PCDHB8: variants seen among roughly 807,000 people sequenced by gnomAD.
PCDHB8 encodes the protein protocadherin beta 8, also known as protocadherin beta-8.
For missense variants in PCDHB8, 836 were observed against 1,004.0 expected, an observed-to-expected ratio of 0.83 and a Z score of 2.26; for synonymous variants, 385 against 448.5, an observed-to-expected ratio of 0.86 and a Z score of 1.79.
chr5:141,180,047 C>A lies in PCDHB8; in HGVS notation c.2013C>A (p.Tyr671Ter), dbSNP rs139550075. Residue 671 changes from tyrosine to a stop codon, truncating the protein, a stop_gained, in exon 1 of 1, where the codon TAC becomes TAA. Coordinates refer to ENST00000239444, the MANE Select transcript of PCDHB8 (RefSeq NM_019120.5). LOFTEE classifies it low-confidence loss of function (END_TRUNC). ...VLLVDGFSQPYLPLPEAAPAQ... is the reference protein window; with the variant it reads ...VLLVDGFSQP Reference sequence around the variant, plus strand: ...TGGTGGACGGCTTCTCCCAGCCCTACCTGCCGCTTCCGGAGGCTGCCCCAG... The same window carrying A: ...TGGTGGACGGCTTCTCCCAGCCCTAACTGCCGCTTCCGGAGGCTGCCCCAG... 6.1e-5 allele frequency: 98 copies of A among 1,609,592 alleles called. 1 individual carries two copies. The highest frequency in any genetic ancestry group is 4.7e-4 in the South Asian group (43 of 90,994).
In PCDHB8 at chr5:141,180,517, A is replaced by G; in HGVS notation, c.*77A>G. ...TTTCTGTCAACTTAGCATAAATTTTAAATTACACTACATTTGCCCATAGTA... is the reference window on the plus strand; with the variant it reads ...TTTCTGTCAACTTAGCATAAATTTTGAATTACACTACATTTGCCCATAGTA... On this transcript the variant is annotated 3_prime_UTR_variant, in exon 1 of 1. Transcript: ENST00000239444. 1.8e-6 allele frequency: 2 copies of G among 1,100,938 alleles called. No individual in the cohort carries two copies. Among genetic ancestry groups the G allele is most frequent in the Admixed American group, 3.1e-5 (1 of 32,476 alleles). The allele number at this position is 1,100,938 out of a possible 1,614,324, so 68.2% of individuals were successfully genotyped here. A position where few individuals can be genotyped will look rare whatever the true frequency, so the allele number is the denominator to read the frequency against.
Position 141,179,917 on chromosome 5 carries a change from C to T in PCDHB8, c.1883C>T (p.Ala628Val). The change falls in exon 1 of 1, where the codon GCC becomes GTC. Residue 628 changes from alanine to valine, a missense_variant. Physicochemically the swap from Ala to Val is moderately conservative, Grantham distance 64. Transcript: ENST00000239444. ...VWAHNGEVRT[A>V]RLLSERDAAK... is the part of the protein sequence containing the mutation. Reference sequence around the variant, plus strand: ...GCGCACAATGGCGAGGTGCGCACCGCCAGGCTGCTGAGCGAGCGCGACGCG... The same window carrying T: ...GCGCACAATGGCGAGGTGCGCACCGTCAGGCTGCTGAGCGAGCGCGACGCG... 1.2e-6 allele frequency: 2 copies of T among 1,609,212 alleles called. No individual in the cohort carries two copies. The highest frequency in any genetic ancestry group is 1.7e-6 in the Non-Finnish European group (2 of 1,179,568).
chr5:141,179,388 T>C lies in PCDHB8; in HGVS notation c.1354T>C (p.Phe452Leu), dbSNP rs1309703321. ...VSDVNDNAPA[F>L]TQTSYTLFVR... ...GGACGTCAATGACAACGCCCCCGCC[T>C]TCACCCAAACCTCCTACACCCTGTT... is the stretch of plus-strand genomic sequence containing the variant. Residue 452 changes from phenylalanine (F) to leucine (L), a missense_variant, in exon 1 of 1, where the codon TTC becomes CTC. Phe to Leu is a conservative substitution (Grantham distance 22, BLOSUM62 0). Coordinates refer to ENST00000239444, the MANE Select transcript of PCDHB8 (RefSeq NM_019120.5). 2 of 1,614,060 alleles carry C rather than the reference T, an allele frequency of 1.2e-6. No individual in the cohort carries two copies. Among genetic ancestry groups the C allele is most frequent in the Non-Finnish European group, 1.7e-6 (2 of 1,180,038 alleles).
rs751690788 is a variant in PCDHB8 at position 141,179,415 on chromosome 5, G to C, written c.1381G>C (p.Val461Leu). Residue 461 changes from valine to leucine, a missense_variant, in exon 1 of 1, where the codon GTC becomes CTC. Coordinates refer to ENST00000239444, the MANE Select transcript of PCDHB8 (RefSeq NM_019120.5). ...CACCCAAACCTCCTACACCCTGTTC[G>C]TCCGCGAGAACAACAGCCCCGCCCT... ...AFTQTSYTLFVRENNSPALHI... is the reference protein window; with the variant it reads ...AFTQTSYTLFLRENNSPALHI... The C allele has an allele frequency of 1.1e-5, 17 of 1,614,154 alleles. No homozygotes were observed. Among genetic ancestry groups the C allele is most frequent in the African/African-American group, 4.0e-5 (3 of 75,038 alleles).
In PCDHB8 at chr5:141,179,995, C is replaced by T. The variant is rs1371175040; in HGVS notation, c.1961C>T (p.Ser654Leu). Residue 654 changes from serine to leucine, a missense_variant, in exon 1 of 1, where the codon TCG becomes TTG. Ser to Leu is a moderately radical substitution (Grantham distance 145). Coordinates refer to ENST00000239444, the MANE Select transcript of PCDHB8 (RefSeq NM_019120.5). ...LVKDNGEPPC[S>L]ATATLHVLLV... Reference sequence around the variant, plus strand: ...AAGGACAATGGCGAGCCTCCGTGCTCGGCCACCGCCACGCTGCACGTGCTC... The same window carrying T: ...AAGGACAATGGCGAGCCTCCGTGCTTGGCCACCGCCACGCTGCACGTGCTC... 3 of 1,608,452 alleles carry T rather than the reference C, an allele frequency of 1.9e-6. No individual in the cohort carries two copies. Among genetic ancestry groups the T allele is most frequent in the African/African-American group, 1.3e-5 (1 of 74,882 alleles).
Position 141,180,412 on chromosome 5 carries a change from G to T in PCDHB8, c.2378G>T (p.Gly793Val). ...EMEQNSNFRN[G>V]FGFSLQLK is the part of the protein sequence containing the mutation. ...GAACAAAACTCTAACTTTAGGAATGGCTTTGGTTTCAGCCTTCAGTTAAAG... is the reference window on the plus strand; with the variant it reads ...GAACAAAACTCTAACTTTAGGAATGTCTTTGGTTTCAGCCTTCAGTTAAAG... The change falls in exon 1 of 1, where the codon GGC (glycine) becomes GTC (valine). Residue 793 changes from glycine to valine, a missense_variant. Coordinates refer to ENST00000239444, the MANE Select transcript of PCDHB8 (RefSeq NM_019120.5). 6.3e-7 allele frequency: 1 copy of T among 1,596,836 alleles called. No homozygotes were observed. Among genetic ancestry groups the T allele is most frequent in the South Asian group, 1.1e-5 (1 of 90,308 alleles).
In PCDHB8 at chr5:141,179,354, G is replaced by A. The variant is rs782262103; in HGVS notation, c.1320G>A (p.Val440=). The A allele has an allele frequency of 1.2e-6, 2 of 1,614,224 alleles. No individual in the cohort carries two copies. Among genetic ancestry groups the A allele is most frequent in the Non-Finnish European group, 1.7e-6 (2 of 1,180,052 alleles). The change falls in exon 1 of 1, where the codon GTG becomes GTA. Residue 440 remains valine (V), a synonymous_variant. Transcript: ENST00000239444. ...TGACAACACATCTCAATATGACCGT[G>A]CTGGTGTCGGACGTCAATGACAACG... The part of the protein sequence containing the change: ...PRLTTHLNMT[V]LVSDVNDNAP...
In PCDHB8 at chr5:141,179,441, G is replaced by A; in HGVS notation, c.1407G>A (p.Leu469=). 2 of 1,614,036 alleles carry A rather than the reference G, an allele frequency of 1.2e-6. No individual in the cohort carries two copies. Among genetic ancestry groups the A allele is most frequent in the Admixed American group, 1.7e-5 (1 of 60,026 alleles). ...LFVRENNSPA[L]HIGSVSATDR... is the part of the protein sequence containing the mutation. The stretch of plus-strand genomic sequence containing the variant: ...TCCGCGAGAACAACAGCCCCGCCCT[G>A]CACATCGGCAGCGTCAGCGCCACAG... The change falls in exon 1 of 1, where the codon CTG becomes CTA. Residue 469 remains leucine (L), a synonymous_variant. Transcript: ENST00000239444.
At position 141,180,017 on chromosome 5, in the gene PCDHB8, G is replaced by A. The variant is rs781892339; in HGVS notation, c.1983G>A (p.Val661=). The A allele has an allele frequency of 5.6e-6, 9 of 1,608,880 alleles. No homozygotes were observed. In the Admixed American group the frequency reaches 1.2e-4, roughly 21 times the overall value. The change falls in exon 1 of 1, where the codon GTG becomes GTA. Residue 661 remains valine, a synonymous_variant. Coordinates refer to ENST00000239444, the MANE Select transcript of PCDHB8 (RefSeq NM_019120.5). The part of the protein sequence containing the change: ...PPCSATATLH[V]LLVDGFSQPY... ...GCTCGGCCACCGCCACGCTGCACGT[G>A]CTCCTGGTGGACGGCTTCTCCCAGC...
chr5:141,180,520 T>G lies in PCDHB8; in HGVS notation c.*80T>G. The G allele has an allele frequency of 9.3e-7, 1 of 1,078,156 alleles. No homozygotes were observed. The highest frequency in any genetic ancestry group is 2.1e-5 in the South Asian group (1 of 48,116). The allele number at this position is 1,078,156 out of a possible 1,614,324, so 66.8% of individuals were successfully genotyped here. A position where few individuals can be genotyped will look rare whatever the true frequency, so the allele number is the denominator to read the frequency against. On this transcript the variant is annotated 3_prime_UTR_variant, in exon 1 of 1. Transcript: ENST00000239444. ...CTGTCAACTTAGCATAAATTTTAAA[T>G]TACACTACATTTGCCCATAGTATTT...
In PCDHB8 at chr5:141,179,906, G is replaced by T. The variant is rs782097283; in HGVS notation, c.1872G>T (p.Glu624Asp). Residue 624 changes from glutamate to aspartate, a missense_variant, in exon 1 of 1, where the codon GAG (glutamate) becomes GAT (aspartate). Glu to Asp is a conservative substitution (Grantham distance 45). Coordinates refer to ENST00000239444, the MANE Select transcript of PCDHB8 (RefSeq NM_019120.5). ...GLFGVWAHNG[E>D]VRTARLLSER... The stretch of plus-strand genomic sequence containing the variant: ...TCGGTGTGTGGGCGCACAATGGCGA[G>T]GTGCGCACCGCCAGGCTGCTGAGCG... 30 of 1,609,352 alleles carry T rather than the reference G, an allele frequency of 1.9e-5. No homozygotes were observed. In the South Asian group the frequency reaches 2.7e-4, roughly 15 times the overall value.
chr5:141,179,734 A>G lies in PCDHB8; in HGVS notation c.1700A>G (p.Gln567Arg), dbSNP rs145707096. The G allele has an allele frequency of 2.1e-4, 331 of 1,611,702 alleles. No individual in the cohort carries two copies. The African/African-American group carries it at 3.5e-3, about 17-fold the overall frequency. ...TCGCCCTTCGTGCTGTACCCGCTGC[A>G]GAATGGCTCCGCGCCCTGCACCGAG... Reference protein sequence around the residue: ...DNSPFVLYPLQNGSAPCTELV... With the variant: ...DNSPFVLYPLRNGSAPCTELV... The change falls in exon 1 of 1, where the codon CAG (glutamine) becomes CGG (arginine). Residue 567 changes from glutamine to arginine, a missense_variant. Gln to Arg is a conservative substitution (Grantham distance 43). Coordinates refer to ENST00000239444, the MANE Select transcript of PCDHB8 (RefSeq NM_019120.5).
Position 141,178,815 on chromosome 5 carries a change from C to G in PCDHB8, c.781C>G (p.Leu261Val), listed in dbSNP as rs782058438. ...CTCTGAGGACAGTCCAATAAGCTTC[C>G]TGGTTGTGAAGGTCTCTGCCACGGA... ...QISEDSPISF[L>V]VVKVSATDVD... The change falls in exon 1 of 1, where the codon CTG (leucine) becomes GTG (valine). Residue 261 changes from leucine (L) to valine (V), a missense_variant. Transcript: ENST00000239444. The G allele has an allele frequency of 5.0e-6, 8 of 1,614,104 alleles. No homozygotes were observed. Among genetic ancestry groups the G allele is most frequent in the Non-Finnish European group, 6.8e-6 (8 of 1,180,018 alleles).
Position 141,177,890 on chromosome 5 carries a change from C to T in PCDHB8, c.-145C>T, listed in dbSNP as rs1306116795. The T allele has an allele frequency of 6.5e-6, 5 of 768,508 alleles. No homozygotes were observed. Among genetic ancestry groups the T allele is most frequent in the African/African-American group, 1.8e-5 (1 of 54,528 alleles). The allele number at this position is 768,508 out of a possible 1,614,324, so 47.6% of individuals were successfully genotyped here. A position where few individuals can be genotyped will look rare whatever the true frequency, so the allele number is the denominator to read the frequency against. On this transcript the variant is annotated 5_prime_UTR_variant, in exon 1 of 1. Transcript: ENST00000239444. Reference sequence around the variant, plus strand: ...TGGAAGTCCACGGGGAGCTTGGATGCCAAAGGGAGGACGGCTGGGTCCTCT... The same window carrying T: ...TGGAAGTCCACGGGGAGCTTGGATGTCAAAGGGAGGACGGCTGGGTCCTCT...
rs1469909387 is a variant in PCDHB8 at position 141,179,954 on chromosome 5, G to T, written c.1920G>T (p.Arg640Ser). 1 of 1,608,540 alleles carries T rather than the reference G, an allele frequency of 6.2e-7. No homozygotes were observed. The highest frequency in any genetic ancestry group is 8.5e-7 in the Non-Finnish European group (1 of 1,179,598). Reference protein sequence around the residue: ...LLSERDAAKQRLVVLVKDNGE... With the variant: ...LLSERDAAKQSLVVLVKDNGE... ...GCGAGCGCGACGCGGCCAAGCAGAGGCTGGTGGTGCTGGTCAAGGACAATG... is the reference window on the plus strand; with the variant it reads ...GCGAGCGCGACGCGGCCAAGCAGAGTCTGGTGGTGCTGGTCAAGGACAATG... The change falls in exon 1 of 1, where the codon AGG (arginine) becomes AGT (serine). Residue 640 changes from arginine (R) to serine (S), a missense_variant. Coordinates refer to ENST00000239444, the MANE Select transcript of PCDHB8 (RefSeq NM_019120.5).
At position 141,180,498 on chromosome 5, in the gene PCDHB8, TC is replaced by T; in HGVS notation, c.*59del. ...ATCAATTCAAAGGAATGGTTTTCTG[TC>T]AACTTAGCATAAATTTTAAATTACA... On this transcript the variant is annotated 3_prime_UTR_variant, in exon 1 of 1. Coordinates refer to ENST00000239444, the MANE Select transcript of PCDHB8 (RefSeq NM_019120.5). The T allele has an allele frequency of 1.6e-6, 2 of 1,270,794 alleles. No individual in the cohort carries two copies. Among genetic ancestry groups the T allele is most frequent in the Non-Finnish European group, 2.1e-6 (2 of 950,466 alleles). 78.7% of individuals were successfully genotyped at this position (1,270,794 alleles called of 1,614,324 possible).
At position 141,178,829 on chromosome 5, in the gene PCDHB8, C is replaced by A; in HGVS notation, c.795C>A (p.Val265=). Residue 265 remains valine (V), a synonymous_variant, in exon 1 of 1, where the codon GTC becomes GTA. Coordinates refer to ENST00000239444, the MANE Select transcript of PCDHB8 (RefSeq NM_019120.5). ...DSPISFLVVK[V]SATDVDTGVN... ...CAATAAGCTTCCTGGTTGTGAAGGT[C>A]TCTGCCACGGATGTAGACACAGGAG... is the stretch of plus-strand genomic sequence containing the variant. 1.2e-6 allele frequency: 2 copies of A among 1,614,258 alleles called. No homozygotes were observed. The highest frequency in any genetic ancestry group is 1.7e-6 in the Non-Finnish European group (2 of 1,180,058).
Position 141,178,043 on chromosome 5 carries a change from CA to C in PCDHB8, c.10del (p.Ser4AlafsTer46). 1 of 1,613,636 alleles carries C rather than the reference CA, an allele frequency of 6.2e-7. No individual in the cohort carries two copies. The highest frequency in any genetic ancestry group is 8.5e-7 in the Non-Finnish European group (1 of 1,179,954). On this transcript the variant is annotated frameshift_variant, in exon 1 of 1. Transcript: ENST00000239444. LOFTEE classifies it low-confidence loss of function (END_TRUNC). The stretch of plus-strand genomic sequence containing the variant: ...TGAATTCAGCAAGAACAATGGAGGC[CA>C]GCGGGAAGCTCATTTGCAGACAAAG... MEASGKLICRQRQV... is the reference protein window; with the variant it reads MEAXGKLICRQRQV...
rs782559882 is a variant in PCDHB8, at chr5:141,180,230, C to G, written c.2196C>G (p.Pro732=). 4.3e-6 allele frequency: 7 copies of G among 1,613,344 alleles called. No individual in the cohort carries two copies. The Admixed American group carries it at 1.2e-4, about 27-fold the overall frequency. Residue 732 remains proline (P), a synonymous_variant, in exon 1 of 1, where the codon CCC becomes CCG. Transcript: ENST00000239444. ...SVGRCSVPEG[P]FPGHLVDVRG... is the part of the protein sequence containing the mutation. ...GTCGCTGCTCAGTGCCTGAGGGCCCCTTTCCAGGGCATCTGGTGGACGTGA... is the reference window on the plus strand; with the variant it reads ...GTCGCTGCTCAGTGCCTGAGGGCCCGTTTCCAGGGCATCTGGTGGACGTGA...
Sources: gnomAD v4.1 joint callset for allele counts on GRCh38, gnomAD v4.1.1 for gene constraint, MANE v1.5 for transcripts, NCBI Gene and HGNC (gene_info 2026-07-23, HGNC 2026-07-21) for gene names.